SERPINB13: variants seen among roughly 807,000 people sequenced by gnomAD.
SERPINB13 encodes serpin B13.
Under a neutral mutation model 31.2 loss-of-function variants are expected in SERPINB13, and 26 were observed. The ratio of observed to expected loss-of-function variants is 0.83; its 90% CI spans 0.61 to 1.15. The LOEUF (loss-of-function observed/expected upper bound fraction) is 1.15. Among genes scored for constraint, SERPINB13 ranks in the 50% most tolerant of loss-of-function variants. The pLI, the probability that SERPINB13 is intolerant of heterozygous loss-of-function variation, is 0.00. For synonymous variants in SERPINB13, 191 were observed against 172.4 expected (o/e 1.11, Z -0.85); for missense variants, 510 against 469.4 (o/e 1.09, Z -0.80).
rs187247060 is a variant in SERPINB13, at chr18:63,592,933, G to A, written c.434G>A (p.Arg145Gln). Residue 145 changes from arginine (R) to glutamine (Q), a missense_variant, in exon 5 of 8, where the codon CGA (arginine) becomes CAA (glutamine). By Grantham distance (43) the Arg-to-Gln change is conservative (BLOSUM62 1). Transcript: ENST00000344731. ...TTTGTAAATGCAGCCGATGAAAGTC[G>A]AAAGAAGATTAATTCCTGGGTTGAA... ...VDFVNAADES[R>Q]KKINSWVESK... The A allele has an allele frequency of 4.8e-5, 78 of 1,613,284 alleles. No homozygotes were observed. The East Asian group carries it at 1.5e-3, about 31-fold the overall frequency.
intron 5 of SERPINB13, among the ~76,000 whole-genome samples, chr18:63,593,441 G>C (rs991366462): frequency 6.6e-6 from 1 of 152,032 alleles, no homozygotes; most frequent in Non-Finnish European, 1.5e-5. Flanking sequence ...AAGACTTGTC[G>C]TTCCCATCCA....
At chr18:63,594,520 G>C in intron 6 of SERPINB13, 23 bp downstream of exon 6, 1 of 1,611,222 alleles carries the variant, frequency 6.2e-7, no homozygotes, top group Non-Finnish European at 8.5e-7. Flanking sequence ...GTTTATTTTC[G>C]TGATGTGCTT....
In SERPINB13 at chr18:63,598,201, A is replaced by G. The variant is rs570200967; in HGVS notation, c.*838A>G. On this transcript the variant is annotated 3_prime_UTR_variant, in exon 8 of 8. Transcript: ENST00000344731. ...TTGGAAAGCTCTGAATCTATACCTA[A>G]TGCTCTTAATTATTGGCTTGTTTCA... The G allele has an allele frequency of 1.3e-5, 2 of 151,722 alleles. No individual in the cohort carries two copies. Among genetic ancestry groups the G allele is most frequent in the South Asian group, 4.2e-4 (2 of 4,810 alleles). The allele number at this position is 151,722 out of a possible 1,614,324, so 9.4% of individuals were successfully genotyped here.
At chr18:63,589,910 C>T in intron 3 of SERPINB13, 195 bp downstream of exon 3, 3 of 1,126,938 alleles carry the variant, frequency 2.7e-6, no homozygotes, top group Non-Finnish European at 3.7e-6. Flanking sequence ...ATAATAACCC[C>T]TTAATATTGA....
rs778143837 is a variant in SERPINB13, at chr18:63,592,479, A to G, written c.354+3A>G. 1 of 1,612,830 alleles carries G rather than the reference A, an allele frequency of 6.2e-7. No individual in the cohort carries two copies. Among genetic ancestry groups the G allele is most frequent in the South Asian group, 1.1e-5 (1 of 90,720 alleles). ...AAAAAACATACCTCTTCCTTCAAGT[A>G]AGTTTGCCATGCCTACCATATCTGT... On this transcript the variant is annotated splice_donor_region_variant and intron_variant, in intron 4 of 7. Coordinates refer to ENST00000344731, the MANE Select transcript of SERPINB13 (RefSeq NM_012397.4).
rs1459845774 is a variant in SERPINB13, at chr18:63,594,398, T to C, written c.516T>C (p.Ser172=). 2.5e-6 allele frequency: 4 copies of C among 1,614,028 alleles called. No individual in the cohort carries two copies. The highest frequency in any genetic ancestry group is 2.5e-6 in the Non-Finnish European group (3 of 1,179,964). The change falls in exon 6 of 8, where the codon TCT becomes TCC. Residue 172 remains serine, a synonymous_variant. Coordinates refer to ENST00000344731, the MANE Select transcript of SERPINB13 (RefSeq NM_012397.4). ...TCCCAGATGGCTCTATTAGTAGCTC[T>C]ACCAAGCTGGTGCTGGTGAACATGG... ...DLFPDGSISS[S]TKLVLVNMVY...
intron 3 of SERPINB13, among the ~76,000 whole-genome samples, chr18:63,590,816 G>T (rs563091539): frequency 1.3e-5 from 2 of 152,278 alleles, no homozygotes. Context: ...AGCCACAGGG[G>T]TATGAAGAGA....
At position 63,599,039 on chromosome 18, in the gene SERPINB13, T is replaced by C. The variant is rs1205751089; in HGVS notation, c.*1676T>C. 6.6e-6 allele frequency: 1 copy of C among 152,188 alleles called. No homozygotes were observed. Among genetic ancestry groups the C allele is most frequent in the African/African-American group, 2.4e-5 (1 of 41,448 alleles). 9.4% of individuals were successfully genotyped at this position (152,188 alleles called of 1,614,324 possible). ...TTTTTATGTGCTTATTGGCCATTTG[T>C]TTGACTTTGTTTGGTGAAATGTATA... On this transcript the variant is annotated 3_prime_UTR_variant, in exon 8 of 8. Transcript: ENST00000344731.
At chr18:63,596,722 AT>A (rs1388592781) in intron 7 of SERPINB13, among the ~76,000 whole-genome samples, 1 of 152,224 alleles carries the variant, frequency 6.6e-6, no homozygotes, top group Non-Finnish European at 1.5e-5. Context: ...GAAATGACTT[AT>A]TTTTAATCTT....
intron 5 of SERPINB13, chr18:63,593,901 G>T: frequency 4.7e-6 from 2 of 424,930 alleles, no homozygotes; most frequent in East Asian, 1.4e-4. Context: ...ATATTGAATG[G>T]TAAGCATAAT....
At chr18:63,587,647 G>C (rs1378789279) in intron 1 of SERPINB13, among the ~76,000 whole-genome samples, 197 bp downstream of exon 1, 1 of 152,212 alleles carries the variant, frequency 6.6e-6, no homozygotes, top group Admixed American at 6.5e-5. Flanking sequence ...ACCTGTAAAG[G>C]ATCTCTGCAA....
rs1252962389 is a variant in SERPINB13 at position 63,589,690 on chromosome 18, G to T, written c.200G>T (p.Arg67Ile). 1 of 1,613,418 alleles carries T rather than the reference G, an allele frequency of 6.2e-7. No homozygotes were observed. Among genetic ancestry groups the T allele is most frequent in the Non-Finnish European group, 8.5e-7 (1 of 1,179,426 alleles). ...FHSEKETKSS[R>I]IKAEEKEVIE... ...TCTGAAAAAGAGACGAAGAGCTCAA[G>T]AATAAAGGCTGAAGAAAAAGAGGTG... Residue 67 changes from arginine to isoleucine, a missense_variant, in exon 3 of 8, where the codon AGA becomes ATA. Transcript: ENST00000344731.
At chr18:63,593,119 C>G in intron 5 of SERPINB13, 148 bp downstream of exon 5, 1 of 591,734 alleles carries the variant, frequency 1.7e-6, no homozygotes, top group South Asian at 2.4e-5. Context: ...TGGGAAGGGA[C>G]TTGAGATAGG....
At position 63,598,114 on chromosome 18, in the gene SERPINB13, GTTTTTTT is replaced by G. The variant is rs57085048; in HGVS notation, c.*760_*766del. 1.5e-5 allele frequency: 2 copies of G among 135,682 alleles called. No individual in the cohort carries two copies. The highest frequency in any genetic ancestry group is 2.6e-5 in the African/African-American group (1 of 37,810). 8.4% of individuals were successfully genotyped at this position (135,682 alleles called of 1,614,324 possible). ...TTTTTTCTCCATTTACATTTTTCTG[GTTTTTTT>G]TTTTTTTTGAGTGAGGTACGAGTAT... On this transcript the variant is annotated 3_prime_UTR_variant, in exon 8 of 8. Coordinates refer to ENST00000344731, the MANE Select transcript of SERPINB13 (RefSeq NM_012397.4).
rs1912303963 is a variant in SERPINB13, at chr18:63,598,253, T to A, written c.*890T>A. Reference sequence around the variant, plus strand: ...TTTTTTCCTCCAGTTTTTAACAAGATCACATAACTGGCTTATTTTTAACAG... The same window carrying A: ...TTTTTTCCTCCAGTTTTTAACAAGAACACATAACTGGCTTATTTTTAACAG... On this transcript the variant is annotated 3_prime_UTR_variant, in exon 8 of 8. Coordinates refer to ENST00000344731, the MANE Select transcript of SERPINB13 (RefSeq NM_012397.4). The A allele has an allele frequency of 6.6e-6, 1 of 152,102 alleles. No homozygotes were observed. The highest frequency in any genetic ancestry group is 1.5e-5 in the Non-Finnish European group (1 of 68,002). 9.4% of individuals were successfully genotyped at this position (152,102 alleles called of 1,614,324 possible). A position where few individuals can be genotyped will look rare whatever the true frequency, so the allele number is the denominator to read the frequency against.
At position 63,593,526 on chromosome 18, in the gene SERPINB13, A is replaced by G. The variant is rs575274881; in HGVS notation, c.472+555A>G. ...AACGACAACCTACAGCTCTCCCCAC[A>G]GCAGAGGATTTGACAAGTTTCTTAT... On this transcript the variant is annotated intron_variant, in intron 5 of 7. Coordinates refer to ENST00000344731, the MANE Select transcript of SERPINB13 (RefSeq NM_012397.4). Among the ~76,000 whole-genome samples, 6 of 152,282 alleles carry G rather than the reference A, an allele frequency of 3.9e-5. No individual in the cohort carries two copies. In the South Asian group the frequency reaches 1.2e-3, roughly 32 times the overall value.
intron 7 of SERPINB13, among the ~76,000 whole-genome samples, chr18:63,595,858 C>T (rs914558776): frequency 1.3e-5 from 2 of 151,822 alleles, no homozygotes; most frequent in Non-Finnish European, 2.9e-5. Flanking sequence ...GAGATAGCGC[C>T]ACTGCACTCC....
chr18:63,595,428 A>T (rs1912108047), intron 7 of SERPINB13, among the ~76,000 whole-genome samples: 1 of 152,182 alleles, frequency 6.6e-6, no homozygotes, highest in East Asian at 1.9e-4. Flanking sequence ...AGTCCTAACG[A>T]TCACCCACCA....
chr18:63,589,895 CAAT>C, intron 3 of SERPINB13, 180 bp downstream of exon 3: 5 of 1,244,492 alleles, frequency 4.0e-6, no homozygotes, highest in Non-Finnish European at 5.4e-6. Flanking sequence ...AAGGATTATA[CAAT>C]AATAATAACC....
Sources: gnomAD v4.1 joint callset for allele counts (sites outside exome capture counted in the v4.1 genomes callset) on GRCh38, gnomAD v4.1.1 for gene constraint, MANE v1.5 for transcripts, NCBI Gene and HGNC (gene_info 2026-07-23, HGNC 2026-07-21) for gene names.